LOC728743: variants seen among roughly 807,000 people sequenced by gnomAD.
chr7:150,401,768 C>T, the LOC728743 span, among the ~76,000 whole-genome samples: 1 of 152,214 alleles, frequency 6.6e-6, no homozygotes, highest in Admixed American at 6.5e-5. Flanking sequence ...CCACTAGCCA[C>T]ATATGGCTAT....
chr7:150,409,142 G>GGGGGGGGTCCT, the LOC728743 span, among the ~76,000 whole-genome samples: 1 of 136,478 alleles, frequency 7.3e-6, no homozygotes, highest in Admixed American at 7.5e-5. Flanking sequence ...TGTTTTCAAG[G>GGGGGGGGTCCT]GAGGGGGGGT....
the LOC728743 span, chr7:150,411,271 T>C: frequency 6.6e-6 from 1 of 152,306 alleles, no homozygotes; most frequent in Non-Finnish European, 1.5e-5. Flanking sequence ...AGTCAGCGGT[T>C]CCTCCCAGCT....
the LOC728743 span, among the ~76,000 whole-genome samples, chr7:150,402,831 CTGTT>C: frequency 6.6e-6 from 1 of 152,190 alleles, no homozygotes; most frequent in African/African-American, 2.4e-5. Flanking sequence ...ATGGGGTGAT[CTGTT>C]TGTCCACCTG....
the LOC728743 span, among the ~76,000 whole-genome samples, chr7:150,406,288 G>T: frequency 1.3e-5 from 2 of 152,188 alleles, no homozygotes; most frequent in Non-Finnish European, 1.5e-5. Context: ...TCCCTGATGG[G>T]GTTGGGGAGA....
the LOC728743 span, among the ~76,000 whole-genome samples, chr7:150,408,697 A>G: frequency 1.3e-5 from 2 of 152,168 alleles, no homozygotes; most frequent in East Asian, 1.9e-4. Context: ...CCCACGCCCA[A>G]CCTCAGCCCC....
the LOC728743 span, among the ~76,000 whole-genome samples, chr7:150,409,140 A>G: frequency 2.7e-4 from 30 of 112,090 alleles, no homozygotes; most frequent in Admixed American, 3.6e-4. Flanking sequence ...GGTGTTTTCA[A>G]GGGAGGGGGG....
chr7:150,408,551 T>G, the LOC728743 span: 2 of 211,800 alleles, frequency 9.4e-6, no homozygotes, highest in Non-Finnish European at 1.9e-5. Flanking sequence ...GTGGAGTGCG[T>G]GGTGTTGATT....
the LOC728743 span, chr7:150,408,234 G>A: frequency 5.2e-4 from 201 of 389,216 alleles, no homozygotes; most frequent in Non-Finnish European, 7.9e-4. Context: ...TGCGCCCGGG[G>A]CCTGCTGCCG....
chr7:150,403,945 C>T, the LOC728743 span, among the ~76,000 whole-genome samples: 1 of 152,220 alleles, frequency 6.6e-6, no homozygotes, highest in African/African-American at 2.4e-5. This position sits in a 1 kb window ranked among gnomAD's most constrained non-coding sequence, Gnocchi z 5.1. Flanking sequence ...ATTTTACAGC[C>T]TGGGGTCTCC....
chr7:150,405,352 G>C, the LOC728743 span: 4 of 152,400 alleles, frequency 2.6e-5, no homozygotes, highest in East Asian at 1.9e-4. Flanking sequence ...GGGCCGCGGC[G>C]GGAGGTTACC....
chr7:150,409,523 C>A, the LOC728743 span, among the ~76,000 whole-genome samples: 1 of 152,204 alleles, frequency 6.6e-6, no homozygotes, highest in Non-Finnish European at 1.5e-5. Context: ...GCCAAGCTTG[C>A]CTACACCACA....
At chr7:150,403,983 C>G in the LOC728743 span, among the ~76,000 whole-genome samples, 1 of 152,214 alleles carries the variant, frequency 6.6e-6, no homozygotes, top group African/African-American at 2.4e-5. The surrounding 1 kb of genome is among the most constrained non-coding windows in gnomAD (Gnocchi z 5.1). Context: ...TTCCCAGGCT[C>G]CAGAAGGCAC....
At chr7:150,410,201 C>A in the LOC728743 span, 1 of 398,542 alleles carries the variant, frequency 2.5e-6, no homozygotes, top group Admixed American at 4.4e-5. Flanking sequence ...AGGTGCAGAA[C>A]CCATCTGGAC....
At chr7:150,405,036 G>C in the LOC728743 span, 64 of 152,332 alleles carry the variant, frequency 4.2e-4, no homozygotes, top group Middle Eastern at 3.4e-3. Context: ...GTGCTATAAC[G>C]GCCGAATGCA....
At chr7:150,411,113 C>T in the LOC728743 span, 1 of 152,340 alleles carries the variant, frequency 6.6e-6, no homozygotes, top group Non-Finnish European at 1.5e-5. Context: ...CGCTGGCTTC[C>T]ACAAAGGAGC....
At chr7:150,407,812 C>A in the LOC728743 span, 2 of 408,686 alleles carry the variant, frequency 4.9e-6, no homozygotes, top group Non-Finnish European at 8.7e-6. Context: ...GCGCGGCTGC[C>A]TTCGTGTGTC....
At chr7:150,406,771 A>G in the LOC728743 span, among the ~76,000 whole-genome samples, 1 of 152,304 alleles carries the variant, frequency 6.6e-6, no homozygotes, top group African/African-American at 2.4e-5. Context: ...GGTGCTGCTC[A>G]GCCTTGGGCC....
At chr7:150,407,057 G>C in the LOC728743 span, among the ~76,000 whole-genome samples, 3 of 152,246 alleles carry the variant, frequency 2.0e-5, no homozygotes, top group East Asian at 5.8e-4. Context: ...CCCTGTCCTT[G>C]AGATCTGGTT....
the LOC728743 span, among the ~76,000 whole-genome samples, chr7:150,407,407 G>A: frequency 1.3e-5 from 2 of 152,190 alleles, no homozygotes; most frequent in African/African-American, 4.8e-5. Context: ...TTAAAAGGCA[G>A]TGGAGGAAGA....
Sources: gnomAD v4.1 joint callset for allele counts (sites outside exome capture counted in the v4.1 genomes callset) on GRCh38, gnomAD v4.1.1 for gene constraint, Gnocchi (gnomAD v3.1) non-coding constraint, MANE v1.5 for transcripts.